TAFA1: variants seen among roughly 807,000 people sequenced by gnomAD.
TAFA1 encodes chemokine-like protein TAFA-1.
Under a neutral mutation model 18.5 loss-of-function variants are expected in TAFA1, and 4 were observed. That is an observed-to-expected ratio of 0.22 (90% CI 0.11 to 0.49). The LOEUF is 0.49. Ranked by LOEUF, TAFA1 falls within the 20% of genes least tolerant of loss-of-function variation. The pLI is 0.98. For missense variants in TAFA1, 147 were observed against 169.0 expected, an observed-to-expected ratio of 0.87 and a Z score of 0.72; for synonymous variants, 56 against 55.2, an observed-to-expected ratio of 1.01 and a Z score of -0.06.
chr3:68,413,948 G>A (rs531160677), intron 2 of TAFA1, among the ~76,000 whole-genome samples: 1 of 152,220 alleles, frequency 6.6e-6, no homozygotes, highest in South Asian at 2.1e-4. Context: ...CATGCCTGGG[G>A]TGCTCATGCA....
intron 2 of TAFA1, among the ~76,000 whole-genome samples, chr3:68,213,387 C>T (rs1366713426): frequency 2.0e-5 from 3 of 151,964 alleles, no homozygotes; most frequent in Non-Finnish European, 4.4e-5. Flanking sequence ...TCTTTTTTCC[C>T]TTTTGCATCC....
intron 2 of TAFA1, among the ~76,000 whole-genome samples, chr3:68,120,205 CTTTCTTTCTTTCTT>C: frequency 9.3e-6 from 1 of 108,014 alleles, no homozygotes; most frequent in African/African-American, 4.1e-5. Flanking sequence ...TTCTTTCTTT[CTTTCTTTCTTTCTT>C]TCTTTCTTTC....
intron 2 of TAFA1, among the ~76,000 whole-genome samples, chr3:68,234,206 G>A (rs1184917015): frequency 6.6e-6 from 1 of 152,210 alleles, no homozygotes; most frequent in Non-Finnish European, 1.5e-5. Context: ...AAGAACAGCA[G>A]TGGCAGGTGT....
chr3:68,264,998 A>T (rs568907178), intron 2 of TAFA1, among the ~76,000 whole-genome samples: 1 of 152,310 alleles, frequency 6.6e-6, no homozygotes, highest in South Asian at 2.1e-4. Context: ...TCTCATATTT[A>T]TGTGAAAATG....
rs531317775 is a variant in TAFA1, at chr3:68,091,549, T to C, written c.118+84805T>C. ...TATAAAATAATGAGCAAAGCAAACA[T>C]GGTATCTGACTTTATAGAGCTTATT... On this transcript the variant is annotated intron_variant, in intron 2 of 4. Coordinates refer to ENST00000478136, the MANE Select transcript of TAFA1 (RefSeq NM_213609.4). Among the ~76,000 whole-genome samples, 135 of 152,240 alleles carry C rather than the reference T, an allele frequency of 8.9e-4. 2 individuals are homozygous for C. The Middle Eastern group carries it at 0.02, about 23-fold the overall frequency.
intron 2 of TAFA1, among the ~76,000 whole-genome samples, chr3:68,089,905 C>T (rs981712375): frequency 1.2e-4 from 18 of 152,194 alleles, no homozygotes; most frequent in Admixed American, 2.0e-4. Flanking sequence ...GTTCATGACT[C>T]ACAGAGCTAT....
chr3:68,133,524 G>A (rs1308105479), intron 2 of TAFA1, among the ~76,000 whole-genome samples: 1 of 152,066 alleles, frequency 6.6e-6, no homozygotes, highest in Non-Finnish European at 1.5e-5. Context: ...CCATTTGTTT[G>A]TGTCCTGTCT....
At position 68,265,620 on chromosome 3, in the gene TAFA1, C is replaced by T. The variant is rs533103173; in HGVS notation, c.119-151660C>T. ...ATGAGGCCTGAACTAACTGGGTTCA[C>T]CTCCAGGCCTGAGAAAGATGACATG... On this transcript the variant is annotated intron_variant, in intron 2 of 4. Transcript: ENST00000478136. 5.9e-5 allele frequency among the ~76,000 whole-genome samples: 9 copies of T among 152,288 alleles called. No homozygotes were observed. In the South Asian group the frequency reaches 1.2e-3, roughly 21 times the overall value.
intron 2 of TAFA1, among the ~76,000 whole-genome samples, chr3:68,205,567 G>T (rs547216338): frequency 6.6e-6 from 1 of 151,978 alleles, no homozygotes; most frequent in East Asian, 2.0e-4. Flanking sequence ...TTACTACAAT[G>T]CGACAAAAGT....
chr3:68,349,457 A>G (rs371699248), intron 2 of TAFA1, among the ~76,000 whole-genome samples: 2 of 152,004 alleles, frequency 1.3e-5, no homozygotes, highest in Non-Finnish European at 2.9e-5. Context: ...CGGCACCCAT[A>G]TAGACAAGAG....
chr3:68,028,559 G>A (rs1325509313), intron 2 of TAFA1, among the ~76,000 whole-genome samples: 1 of 152,016 alleles, frequency 6.6e-6, no homozygotes, highest in Admixed American at 6.6e-5. Flanking sequence ...AAATCAAGGT[G>A]TCAGCAGGGC....
At chr3:67,997,329 G>T in the TAFA1 span, among the ~76,000 whole-genome samples, 1 of 152,130 alleles carries the variant, frequency 6.6e-6, no homozygotes, top group Non-Finnish European at 1.5e-5. Flanking sequence ...GCAGGTATCA[G>T]TGAGGCAACT....
At chr3:68,382,211 G>A (rs2069980488) in intron 2 of TAFA1, among the ~76,000 whole-genome samples, 2 of 152,166 alleles carry the variant, frequency 1.3e-5, no homozygotes, top group African/African-American at 2.4e-5. Context: ...TTGCATCAAT[G>A]TTCATCAAGG....
chr3:68,231,004 G>A (rs966743790), intron 2 of TAFA1, among the ~76,000 whole-genome samples: 6 of 152,250 alleles, frequency 3.9e-5, no homozygotes, highest in East Asian at 1.9e-4. Context: ...TTTACTGAGT[G>A]CCTTCTTTAA....
At position 68,006,609 on chromosome 3, in the gene TAFA1, G is replaced by A. The variant is rs545039037; in HGVS notation, c.-3-15G>A. 1.1e-5 allele frequency: 17 copies of A among 1,587,594 alleles called. No homozygotes were observed. The South Asian group carries it at 1.1e-4, about 10-fold the overall frequency. On this transcript the variant is annotated splice_polypyrimidine_tract_variant and intron_variant, in intron 1 of 4. Transcript: ENST00000478136. ...GAAGCCGGAGGTAACCTTTCCTGTC[G>A]AATGTTCTCTTTAGAGAATGGCAAT...
intron 2 of TAFA1, among the ~76,000 whole-genome samples, chr3:68,065,054 TG>T (rs1292241364): frequency 6.6e-6 from 1 of 152,100 alleles, no homozygotes; most frequent in Non-Finnish European, 1.5e-5. Context: ...TTTTAAGCTT[TG>T]TAAGTGGTTT....
intron 2 of TAFA1, among the ~76,000 whole-genome samples, chr3:68,165,286 C>G (rs2065970759): frequency 6.6e-6 from 1 of 152,190 alleles, no homozygotes; most frequent in Non-Finnish European, 1.5e-5. Context: ...CCTTTTCTTT[C>G]ACCAGCAAAA....
chr3:68,476,429 A>G (rs1251565630), intron 3 of TAFA1, among the ~76,000 whole-genome samples: 2 of 152,236 alleles, frequency 1.3e-5, no homozygotes, highest in East Asian at 1.9e-4. Context: ...TTAAAAATGC[A>G]GAGATGACAT....
chr3:68,202,537 A>G (rs2066480232), intron 2 of TAFA1, among the ~76,000 whole-genome samples: 1 of 151,684 alleles, frequency 6.6e-6, no homozygotes, highest in Non-Finnish European at 1.5e-5. Flanking sequence ...GACTTATTTT[A>G]TAACTTATTT....
Sources: allele counts gnomAD v4.1 joint callset (sites outside exome capture counted in the v4.1 genomes callset), GRCh38; gene constraint gnomAD v4.1.1; transcripts MANE v1.5; gene names NCBI Gene and HGNC (gene_info 2026-07-23, HGNC 2026-07-21).